Variants in SCN11A observed in about 807,000 individuals in gnomAD.
SCN11A encodes the protein sodium channel protein type 11 subunit alpha.
SCN11A carries 122 observed loss-of-function variants against 162.2 expected under a neutral mutation model. The observed-to-expected ratio is 0.75, with a 90% CI of 0.65 to 0.87. The LOEUF is 0.87. Ranked by LOEUF, SCN11A falls within the 40% of genes least tolerant of loss-of-function variation. The probability of loss-of-function intolerance (pLI) is 0.00; values close to 1 mark genes in which losing one functional copy is unlikely to be tolerated. For synonymous variants in SCN11A, 758 were observed against 751.5 expected (o/e 1.01, Z -0.14); for missense variants, 2,015 against 2,181.6 (o/e 0.92, Z 1.52).
chr3:39,035,374 T>C (rs1012965022), intron 1 of SCN11A, among the ~76,000 whole-genome samples: 3 of 152,172 alleles, frequency 2.0e-5, no homozygotes, highest in Non-Finnish European at 4.4e-5. Flanking sequence ...TAAATGGTGC[T>C]GGGAAAACTG....
rs940072808 is a variant in SCN11A at position 38,969,412 on chromosome 3, C to T, written c.-279-8989G>A. Among the ~76,000 whole-genome samples the T allele has an allele frequency of 2.8e-4, 42 of 152,308 alleles. No individual in the cohort carries two copies. The East Asian group carries it at 8.1e-3, about 29-fold the overall frequency. ...CATAAGAGGGATGAACAGGTCTAAG[C>T]TTTGAACAAAATCTCAGCGGCCTGC... On this transcript the variant is annotated intron_variant, in intron 2 of 29. Transcript: ENST00000302328.
intron 1 of SCN11A, among the ~76,000 whole-genome samples, chr3:39,051,188 C>T (rs2125622365): frequency 6.6e-6 from 1 of 151,610 alleles, no homozygotes; most frequent in African/African-American, 2.4e-5. Context: ...AAACTTGTGT[C>T]ACGGGTGTTT....
chr3:39,025,645 T>C (rs1030611027), intron 2 of SCN11A, among the ~76,000 whole-genome samples: 2 of 152,196 alleles, frequency 1.3e-5, no homozygotes, highest in South Asian at 4.1e-4. Flanking sequence ...AATTAGTGTG[T>C]AAGGAGCAGT....
chr3:38,984,207 T>G (rs2030154843), intron 2 of SCN11A, among the ~76,000 whole-genome samples: 8 of 152,202 alleles, frequency 5.3e-5, no homozygotes, highest in Admixed American at 5.2e-4. Context: ...ATGTACTCAT[T>G]CTTCAATGGG....
At chr3:38,936,022 T>C (rs1454418631) in intron 7 of SCN11A, among the ~76,000 whole-genome samples, 1 of 152,148 alleles carries the variant, frequency 6.6e-6, no homozygotes, top group African/African-American at 2.4e-5. Context: ...TTATCCACCA[T>C]GATCAAGTGG....
intron 2 of SCN11A, among the ~76,000 whole-genome samples, chr3:39,013,503 CGTAAGATCT>C (rs2031205927): frequency 6.6e-6 from 1 of 151,422 alleles, no homozygotes; most frequent in Non-Finnish European, 1.5e-5. Context: ...AGTCAGCTGA[CGTAAGATCT>C]TGGAAAATGC....
At chr3:39,018,910 C>G (rs768339974) in intron 2 of SCN11A, among the ~76,000 whole-genome samples, 24 of 152,202 alleles carry the variant, frequency 1.6e-4, no homozygotes, top group Admixed American at 3.3e-4. Flanking sequence ...TGGGGGAGAT[C>G]TGATCTAGCC....
rs760309563 is a variant in SCN11A at position 38,897,041 on chromosome 3, C to T, written c.2207G>A (p.Cys736Tyr). The T allele has an allele frequency of 6.2e-7, 1 of 1,614,094 alleles. No individual in the cohort carries two copies. Among genetic ancestry groups the T allele is most frequent in the Admixed American group, 1.7e-5 (1 of 60,016 alleles). Residue 736 changes from cysteine to tyrosine, a missense_variant, in exon 18 of 30, where the codon TGT becomes TAT. By Grantham distance (194) the Cys-to-Tyr change is radical. Coordinates refer to ENST00000302328, the MANE Select transcript of SCN11A (RefSeq NM_001349253.2). Reference protein sequence around the residue: ...SFNSQKSPKLCNPTGPTVSCL... With the variant: ...SFNSQKSPKLYNPTGPTVSCL... The stretch of plus-strand genomic sequence containing the variant: ...TGAGACTGTCGGGCCTGTCGGGTTA[C>T]AGAGTTTTGGACTCTTTTGGGAATT...
At chr3:38,962,799 T>C (rs887009223) in intron 2 of SCN11A, among the ~76,000 whole-genome samples, 2 of 151,918 alleles carry the variant, frequency 1.3e-5, no homozygotes, top group African/African-American at 4.8e-5. Flanking sequence ...AGTGAGCAGA[T>C]ATCATGCCAC....
intron 2 of SCN11A, among the ~76,000 whole-genome samples, chr3:38,983,202 A>G (rs2030121409): frequency 6.6e-6 from 1 of 152,092 alleles, no homozygotes; most frequent in African/African-American, 2.4e-5. Flanking sequence ...TGGCCCCTGC[A>G]TTAGATGGCC....
At chr3:38,850,077 A>G in intron 29 of SCN11A, 1 of 169,350 alleles carries the variant, frequency 5.9e-6, no homozygotes, top group Non-Finnish European at 1.3e-5. Context: ...TTTTGAACAA[A>G]GGAAAAAACA....
chr3:38,944,901 T>G (rs2066493579), intron 7 of SCN11A, among the ~76,000 whole-genome samples: 2 of 151,896 alleles, frequency 1.3e-5, no homozygotes, highest in Admixed American at 1.3e-4. Flanking sequence ...AGGCAGAGGT[T>G]GCAGTGAGCT....
At chr3:38,869,232 T>C (rs1406770903) in intron 26 of SCN11A, among the ~76,000 whole-genome samples, 1 of 152,074 alleles carries the variant, frequency 6.6e-6, no homozygotes, top group African/African-American at 2.4e-5. Flanking sequence ...ACACACCTTG[T>C]CTACTACACA....
At chr3:38,935,510 A>C (rs932039669) in intron 7 of SCN11A, among the ~76,000 whole-genome samples, 13 of 152,204 alleles carry the variant, frequency 8.5e-5, no homozygotes, top group Admixed American at 7.9e-4. Context: ...AGAGAGAATA[A>C]TCAAATAGAA....
chr3:38,894,300 C>G (rs921191865), intron 19 of SCN11A, among the ~76,000 whole-genome samples: 3 of 152,168 alleles, frequency 2.0e-5, no homozygotes, highest in African/African-American at 7.2e-5. Context: ...CCTGTCATCC[C>G]AGCCCACTCT....
intron 23 of SCN11A, among the ~76,000 whole-genome samples, chr3:38,874,094 A>T (rs1009183080): frequency 5.9e-5 from 9 of 152,136 alleles, no homozygotes; most frequent in African/African-American, 2.2e-4. Context: ...ATAACAAGTG[A>T]TATTTGTGGA....
At chr3:38,899,410 C>A (rs1295470897) in intron 17 of SCN11A, among the ~76,000 whole-genome samples, 2 of 152,218 alleles carry the variant, frequency 1.3e-5, no homozygotes, top group Non-Finnish European at 2.9e-5. Context: ...AAATGTAGCA[C>A]TGGCAGCAGT....
Position 38,894,553 on chromosome 3 carries a change from G to T in SCN11A, c.2815C>A (p.Gln939Lys). 6.2e-7 allele frequency: 1 copy of T among 1,609,514 alleles called. No homozygotes were observed. The highest frequency in any genetic ancestry group is 8.5e-7 in the Non-Finnish European group (1 of 1,177,814). The change falls in exon 19 of 30, where the codon CAA becomes AAA. Residue 939 changes from glutamine to lysine, a missense_variant. Transcript: ENST00000302328. ...CATACCTGTTGTTCAGGCTCAGGTT[G>T]TGTGATGCGCTGTGCATTATCTTCA... is the stretch of plus-strand genomic sequence containing the variant. Reference protein sequence around the residue: ...SGEDNAQRITQPEPEQQAYEL... With the variant: ...SGEDNAQRITKPEPEQQAYEL...
chr3:38,974,568 G>A (rs1262598819), intron 2 of SCN11A, among the ~76,000 whole-genome samples: 7 of 151,894 alleles, frequency 4.6e-5, no homozygotes, highest in Admixed American at 4.6e-4. Flanking sequence ...GGCAGCAGGC[G>A]CCTGTAGTCC....
Sources: gnomAD v4.1 joint callset for allele counts (sites outside exome capture counted in the v4.1 genomes callset) on GRCh38, gnomAD v4.1.1 for gene constraint, MANE v1.5 for transcripts, NCBI Gene and HGNC (gene_info 2026-07-23, HGNC 2026-07-21) for gene names.